The following SCFD2 variants were observed in gnomAD, a reference collection of about 807,000 sequenced individuals.
SCFD2 encodes sec1 family domain containing 2.
SCFD2 carries 54 observed loss-of-function variants against 58.9 expected under a neutral mutation model. The ratio of observed to expected loss-of-function variants is 0.92; its 90% CI spans 0.74 to 1.15. The LOEUF is 1.15. Ranked by LOEUF, SCFD2 falls within the 50% of genes most tolerant of loss-of-function variation. SCFD2 has a pLI of 0.00. For synonymous variants in SCFD2, 321 were observed against 335.9 expected (o/e 0.96, Z 0.49); for missense variants, 805 against 836.6 (o/e 0.96, Z 0.47).
intron 2 of SCFD2, among the ~76,000 whole-genome samples, chr4:53,343,905 C>T (rs1220589156): frequency 6.6e-6 from 1 of 152,166 alleles, no homozygotes; most frequent in African/African-American, 2.4e-5. Context: ...ATTCAACTGC[C>T]CTTCATACTA....
At chr4:53,073,149 A>G (rs1014563971) in intron 5 of SCFD2, among the ~76,000 whole-genome samples, 1 of 151,300 alleles carries the variant, frequency 6.6e-6, no homozygotes, top group Non-Finnish European at 1.5e-5. Context: ...TCCTAATTAT[A>G]TTTCCTAATT....
chr4:53,326,066 T>C (rs1430751041), intron 2 of SCFD2, among the ~76,000 whole-genome samples: 1 of 152,230 alleles, frequency 6.6e-6, no homozygotes, highest in African/African-American at 2.4e-5. Context: ...GAAAACATAC[T>C]ATCTTTTAAA....
At chr4:53,182,827 C>T (rs1300112544) in intron 4 of SCFD2, among the ~76,000 whole-genome samples, 2 of 151,880 alleles carry the variant, frequency 1.3e-5, no homozygotes, top group African/African-American at 4.8e-5. Context: ...ACAACCCCAT[C>T]AAAAAGTGGG....
At chr4:53,300,091 C>G (rs1002574060) in intron 3 of SCFD2, among the ~76,000 whole-genome samples, 3 of 152,106 alleles carry the variant, frequency 2.0e-5, no homozygotes, top group Non-Finnish European at 4.4e-5. Context: ...CAAATTCACA[C>G]ATAACAATAC....
At chr4:52,951,621 G>A (rs1387481749) in intron 5 of SCFD2, among the ~76,000 whole-genome samples, 1 of 152,192 alleles carries the variant, frequency 6.6e-6, no homozygotes, top group Non-Finnish European at 1.5e-5. Context: ...CTAGCAGTTA[G>A]GAGAAGTCAT....
intron 4 of SCFD2, among the ~76,000 whole-genome samples, chr4:53,241,394 C>A (rs1408994697): frequency 6.6e-6 from 1 of 152,212 alleles, no homozygotes; most frequent in East Asian, 1.9e-4. Context: ...CCCCATGAGA[C>A]AGGGCCAGTC....
At chr4:53,214,475 TA>T (rs1318278565) in intron 4 of SCFD2, among the ~76,000 whole-genome samples, 1 of 152,146 alleles carries the variant, frequency 6.6e-6, no homozygotes, top group Non-Finnish European at 1.5e-5. Context: ...TGTCTGTTCA[TA>T]TCCTTGGCCC....
intron 4 of SCFD2, among the ~76,000 whole-genome samples, chr4:53,184,731 A>C (rs1462490028): frequency 6.6e-6 from 1 of 152,046 alleles, no homozygotes; most frequent in East Asian, 1.9e-4. Context: ...TCCCTCACTT[A>C]CTGTTTACTT....
intron 4 of SCFD2, among the ~76,000 whole-genome samples, chr4:53,271,314 C>T (rs761105870): frequency 6.7e-6 from 1 of 150,056 alleles, no homozygotes; most frequent in Admixed American, 6.7e-5. Context: ...CACACACACA[C>T]GCACACACAC....
At chr4:53,116,768 C>A (rs1412227533) in intron 5 of SCFD2, among the ~76,000 whole-genome samples, 4 of 152,018 alleles carry the variant, frequency 2.6e-5, no homozygotes, top group African/African-American at 9.7e-5. Flanking sequence ...TGAAAAGAAC[C>A]CTGAGTCACA....
chr4:53,201,709 T>C (rs1427558923), intron 4 of SCFD2, among the ~76,000 whole-genome samples: 1 of 152,188 alleles, frequency 6.6e-6, no homozygotes, highest in Non-Finnish European at 1.5e-5. Context: ...TTTTTGATGA[T>C]TGCCATTCTA....
At chr4:53,348,808 A>G (rs1157168654) in intron 2 of SCFD2, among the ~76,000 whole-genome samples, 1 of 151,062 alleles carries the variant, frequency 6.6e-6, no homozygotes, top group African/African-American at 2.4e-5. Flanking sequence ...TCCACCTCCC[A>G]GATTCAAGTG....
chr4:53,178,833 C>T (rs748150135), intron 4 of SCFD2, among the ~76,000 whole-genome samples: 15 of 152,234 alleles, frequency 9.9e-5, no homozygotes, highest in African/African-American at 3.6e-4. Flanking sequence ...AACCAAGGCA[C>T]GAGAGCTACG....
chr4:53,180,049 G>C (rs1577810181), intron 4 of SCFD2, among the ~76,000 whole-genome samples: 2 of 152,166 alleles, frequency 1.3e-5, no homozygotes, highest in African/African-American at 2.4e-5. Flanking sequence ...CACAATAATA[G>C]TAGGAGACTT....
chr4:53,062,096 G>T (rs1187360138), intron 5 of SCFD2, among the ~76,000 whole-genome samples: 2 of 151,764 alleles, frequency 1.3e-5, no homozygotes, highest in African/African-American at 4.8e-5. Context: ...AATAGGCCGG[G>T]TGTGGTGGCT....
At chr4:53,154,558 C>CA (rs1483578056) in intron 4 of SCFD2, among the ~76,000 whole-genome samples, 1 of 152,170 alleles carries the variant, frequency 6.6e-6, no homozygotes, top group Non-Finnish European at 1.5e-5. Flanking sequence ...TTGGAGGGGG[C>CA]AAATATCCAA....
At chr4:53,320,643 A>C (rs1732996988) in intron 2 of SCFD2, among the ~76,000 whole-genome samples, 2 of 152,128 alleles carry the variant, frequency 1.3e-5, no homozygotes, top group Non-Finnish European at 2.9e-5. Flanking sequence ...AATAAAAATA[A>C]GGTTTCCATT....
chr4:52,946,688 T>C (rs1038665252), intron 5 of SCFD2, among the ~76,000 whole-genome samples: 4 of 152,162 alleles, frequency 2.6e-5, no homozygotes, highest in African/African-American at 7.2e-5. Context: ...TTCTAGAAAA[T>C]CTTAAGAGTT....
intron 8 of SCFD2, among the ~76,000 whole-genome samples, chr4:52,874,669 A>G (rs1718430999): frequency 1.3e-5 from 2 of 152,330 alleles, no homozygotes; most frequent in Admixed American, 6.5e-5. Context: ...AATCTGTTCC[A>G]TGCCTTTCTC....
Sources: gnomAD v4.1 joint callset for allele counts (sites outside exome capture counted in the v4.1 genomes callset) on GRCh38, gnomAD v4.1.1 for gene constraint, MANE v1.5 for transcripts, NCBI Gene and HGNC (gene_info 2026-07-23, HGNC 2026-07-21) for gene names.